Variants in PIP5K1C observed in about 807,000 individuals in gnomAD.
PIP5K1C encodes phosphatidylinositol 4-phosphate 5-kinase type-1 gamma.
PIP5K1C carries 45 observed loss-of-function variants against 80.1 expected under a neutral mutation model. The observed-to-expected ratio is 0.56, with a 90% CI of 0.44 to 0.72. The LOEUF is 0.72. Ranked by LOEUF, PIP5K1C falls within the 30% of genes least tolerant of loss-of-function variation. The probability of loss-of-function intolerance (pLI) is 0.00; values close to 1 mark genes in which losing one functional copy is unlikely to be tolerated. For missense variants in PIP5K1C, 753 were observed against 954.6 expected, an observed-to-expected ratio of 0.79 and a Z score of 2.78; for synonymous variants, 498 against 420.1, an observed-to-expected ratio of 1.19 and a Z score of -2.27.
chr19:3,674,770 C>T (rs185323208), intron 1 of PIP5K1C, among the ~76,000 whole-genome samples: 71 of 152,322 alleles, frequency 4.7e-4, no homozygotes, highest in African/African-American at 1.6e-3. Flanking sequence ...CAGCGTGCTG[C>T]GATGACAGAC....
At chr19:3,699,553 A>T (rs2036232103) in intron 1 of PIP5K1C, among the ~76,000 whole-genome samples, 1 of 152,108 alleles carries the variant, frequency 6.6e-6, no homozygotes, top group South Asian at 2.1e-4. Context: ...GTGAATCCGG[A>T]AACTTCCGAT....
rs2033758995 is a variant in PIP5K1C at position 3,637,690 on chromosome 19, CGGGT to C, written c.1920+1190_1920+1193del. ...CGGATGAGGCGGCCACCCCCGTGGT[CGGGT>C]GGGAGAGGCGGAGGGAGGTGGCGGG... On this transcript the variant is annotated intron_variant, in intron 16 of 17. Coordinates refer to ENST00000335312, the MANE Select transcript of PIP5K1C (RefSeq NM_012398.3). This position sits in a 1 kb window ranked among gnomAD's most constrained non-coding sequence, Gnocchi z 7.0. The C allele has an allele frequency of 3.8e-6, 5 of 1,313,628 alleles. No individual in the cohort carries two copies. The Admixed American group carries it at 1.2e-4, about 31-fold the overall frequency. 81.4% of individuals were successfully genotyped at this position (1,313,628 alleles called of 1,614,324 possible). A position where few individuals can be genotyped will look rare whatever the true frequency, so the allele number is the denominator to read the frequency against.
intron 1 of PIP5K1C, among the ~76,000 whole-genome samples, chr19:3,695,392 C>T (rs896948172): frequency 6.6e-6 from 1 of 152,230 alleles, no homozygotes; most frequent in Admixed American, 6.5e-5. Flanking sequence ...AGCTTTCTCA[C>T]GGGGCCGGCT....
At chr19:3,681,423 A>C (rs2035585528) in intron 1 of PIP5K1C, among the ~76,000 whole-genome samples, 2 of 151,664 alleles carry the variant, frequency 1.3e-5, no homozygotes, top group Non-Finnish European at 2.9e-5. Flanking sequence ...GTAGCGACGG[A>C]ATTTTGCCAT....
At chr19:3,695,340 C>A (rs2036069898) in intron 1 of PIP5K1C, among the ~76,000 whole-genome samples, 1 of 152,228 alleles carries the variant, frequency 6.6e-6, no homozygotes, top group African/African-American at 2.4e-5. Context: ...ACGAAGGGGA[C>A]TCCCTCTCCT....
intron 1 of PIP5K1C, among the ~76,000 whole-genome samples, chr19:3,686,843 T>G (rs2145593364): frequency 6.6e-6 from 1 of 152,140 alleles, no homozygotes; most frequent in South Asian, 2.1e-4. Context: ...CTTTGTGACC[T>G]TGGATTAGGC....
intron 1 of PIP5K1C, among the ~76,000 whole-genome samples, chr19:3,686,466 C>T (rs2035762856): frequency 6.6e-6 from 1 of 150,944 alleles, no homozygotes; most frequent in South Asian, 2.1e-4. Context: ...CGTGTGTAAT[C>T]CTAGCACTCT....
intron 1 of PIP5K1C, among the ~76,000 whole-genome samples, chr19:3,687,561 A>G (rs965242449): frequency 6.9e-5 from 10 of 145,690 alleles, no homozygotes; most frequent in South Asian, 2.2e-4. Flanking sequence ...ATGCACACGC[A>G]CACACATGCA....
At chr19:3,678,448 AGGATGGAG>A (rs1052998051) in intron 1 of PIP5K1C, among the ~76,000 whole-genome samples, 6 of 93,402 alleles carry the variant, frequency 6.4e-5, no homozygotes, top group African/African-American at 2.1e-4. Flanking sequence ...GGAGAGATGG[AGGATGGAG>A]GGATGGAGGA....
rs1599917578 is a variant in PIP5K1C at position 3,636,196 on chromosome 19, C to G, written c.1921-2676G>C. On this transcript the variant is annotated intron_variant, in intron 16 of 17. Transcript: ENST00000335312. The stretch of plus-strand genomic sequence containing the variant: ...AAGAAAGGGCAGGACAGGTGGCTTC[C>G]TTGTCCTGCAGGAGTTGGGGGGACA... Among the ~76,000 whole-genome samples the G allele has an allele frequency of 1.3e-5, 2 of 152,092 alleles. 1 individual carries two copies. Among genetic ancestry groups the G allele is most frequent in the South Asian group, 4.1e-4 (2 of 4,828 alleles).
chr19:3,634,768 A>G (rs2033605518), intron 16 of PIP5K1C, among the ~76,000 whole-genome samples: 1 of 151,904 alleles, frequency 6.6e-6, no homozygotes, highest in African/African-American at 2.4e-5. Flanking sequence ...GCTCCCTCTA[A>G]AGGGCCCACC....
At chr19:3,673,338 C>T (rs1053373671) in intron 1 of PIP5K1C, among the ~76,000 whole-genome samples, 12 of 152,178 alleles carry the variant, frequency 7.9e-5, no homozygotes, top group African/African-American at 2.9e-4. Flanking sequence ...CTGCACCAAA[C>T]GATCCCCTCC....
At chr19:3,695,961 G>A (rs963842787) in intron 1 of PIP5K1C, among the ~76,000 whole-genome samples, 3 of 152,078 alleles carry the variant, frequency 2.0e-5, no homozygotes, top group Non-Finnish European at 4.4e-5. Flanking sequence ...AAACTCCTGA[G>A]ATCAAGTGAT....
chr19:3,643,532 G>A, intron 12 of PIP5K1C, 151 bp from the exon 13 acceptor site: 1 of 887,096 alleles, frequency 1.1e-6, no homozygotes, highest in Non-Finnish European at 1.7e-6. Flanking sequence ...GGCAGGGAAG[G>A]ACGACGTTCC....
At chr19:3,660,904 C>T (rs2034810407) in intron 5 of PIP5K1C, 62 bp downstream of exon 5, 3 of 1,369,818 alleles carry the variant, frequency 2.2e-6, no homozygotes, top group South Asian at 1.2e-5. Flanking sequence ...CCCACAGACC[C>T]TCCGAGACCC....
chr19:3,696,395 A>C lies in PIP5K1C; in HGVS notation c.94+3902T>G, dbSNP rs997911471. ...CTCGCTCAGGAGGAGATGGTCAGAA[A>C]ACACGTCAGCAGAGCCATATGTTTC... On this transcript the variant is annotated intron_variant, in intron 1 of 17. Coordinates refer to ENST00000335312, the MANE Select transcript of PIP5K1C (RefSeq NM_012398.3). The surrounding 1 kb of genome is among the most constrained non-coding windows in gnomAD (Gnocchi z 4.1). Among the ~76,000 whole-genome samples the C allele has an allele frequency of 3.9e-5, 6 of 152,208 alleles. No individual in the cohort carries two copies. The highest frequency in any genetic ancestry group is 7.3e-5 in the Non-Finnish European group (5 of 68,028).
intron 6 of PIP5K1C, among the ~76,000 whole-genome samples, 172 bp downstream of exon 6, chr19:3,656,233 T>C (rs984572699): frequency 1.3e-5 from 2 of 152,108 alleles, no homozygotes; most frequent in African/African-American, 4.8e-5. Flanking sequence ...TGAACACTGG[T>C]GCTGGTGAAG....
At chr19:3,674,667 GC>G (rs1163139687) in intron 1 of PIP5K1C, among the ~76,000 whole-genome samples, 2 of 152,178 alleles carry the variant, frequency 1.3e-5, no homozygotes, top group African/African-American at 4.8e-5. Flanking sequence ...ACCATGCCCA[GC>G]TTTTTTGTAT....
intron 1 of PIP5K1C, among the ~76,000 whole-genome samples, chr19:3,683,328 T>C (rs2035647145): frequency 6.6e-6 from 1 of 151,972 alleles, no homozygotes; most frequent in Non-Finnish European, 1.5e-5. Flanking sequence ...CAGGGCACAG[T>C]GGGCTTGGCT....
Sources: allele counts gnomAD v4.1 joint callset (sites outside exome capture counted in the v4.1 genomes callset), GRCh38; gene constraint gnomAD v4.1.1; non-coding constraint Gnocchi (gnomAD v3.1); transcripts MANE v1.5; gene names NCBI Gene and HGNC (gene_info 2026-07-23, HGNC 2026-07-21).